ECE2: variants seen among roughly 807,000 people sequenced by gnomAD.
ECE2 encodes the protein endothelin converting enzyme 2, also known as endothelin-converting enzyme 2.
Under a neutral mutation model 100.6 loss-of-function variants are expected in ECE2, and 81 were observed. The observed-to-expected ratio is 0.81, with a 90% CI of 0.67 to 0.97. ECE2 has a LOEUF of 0.97. Ranked by LOEUF, ECE2 falls within the 50% of genes least tolerant of loss-of-function variation. The pLI is 0.00. For missense variants in ECE2, 911 were observed against 988.1 expected, an observed-to-expected ratio of 0.92 and a Z score of 1.05; for synonymous variants, 391 against 391.5, an observed-to-expected ratio of 1.00 and a Z score of 0.02.
At position 184,276,048 on chromosome 3, in the gene ECE2, G is replaced by T. The variant is rs1426832817; in HGVS notation, c.-106G>T. 6.1e-6 allele frequency: 7 copies of T among 1,156,738 alleles called. No homozygotes were observed. Among genetic ancestry groups the T allele is most frequent in the Admixed American group, 4.7e-5 (1 of 21,280 alleles). 71.7% of individuals were successfully genotyped at this position (1,156,738 alleles called of 1,614,324 possible). On this transcript the variant is annotated 5_prime_UTR_variant, in exon 1 of 19. Coordinates refer to ENST00000404464, the MANE Select transcript of ECE2 (RefSeq NM_001100121.2). ...CGGCCGAGCGGGGGTGCTGCGCGGC[G>T]GCCGTGATGGCTGGTGACGGCGGGG...
rs762268830 is a variant in ECE2 at position 184,291,070 on chromosome 3, G to A, written c.1865G>A (p.Arg622Gln). The change falls in exon 17 of 19, where the codon CGG becomes CAG. Residue 622 changes from arginine (R) to glutamine (Q), a missense_variant. Transcript: ENST00000404464. The surrounding 1 kb of genome is among the most constrained non-coding windows in gnomAD (Gnocchi z 4.1). ...GREYDKEGNL[R>Q]PWWQNESLAA... Reference sequence around the variant, plus strand: ...GAGTATGACAAAGAAGGGAACCTGCGGCCCTGGTGGCAGAATGAGTCCCTG... The same window carrying A: ...GAGTATGACAAAGAAGGGAACCTGCAGCCCTGGTGGCAGAATGAGTCCCTG... The A allele has an allele frequency of 2.9e-5, 46 of 1,581,514 alleles. No homozygotes were observed. The East Asian group carries it at 3.4e-4, about 12-fold the overall frequency.
rs758705027 is a variant in ECE2 at position 184,277,234 on chromosome 3, C to G, written c.263-17C>G. On this transcript the variant is annotated splice_polypyrimidine_tract_variant and intron_variant, in intron 3 of 18. Transcript: ENST00000404464. ...GACTGACAGTCTCCTACCCTCCGGC[C>G]ATGTTCCCTACCACAGACCCATCCC... is the stretch of plus-strand genomic sequence containing the variant. The G allele has an allele frequency of 1.2e-6, 2 of 1,613,986 alleles. No homozygotes were observed. The highest frequency in any genetic ancestry group is 4.5e-5 in the East Asian group (2 of 44,902).
intron 7 of ECE2, among the ~76,000 whole-genome samples, chr3:184,280,850 G>A (rs527996520): frequency 6.6e-6 from 1 of 152,118 alleles, no homozygotes; most frequent in South Asian, 2.1e-4. Flanking sequence ...GTGGTGGCGG[G>A]TGCCTGTAAT....
At chr3:184,288,031 C>A in intron 11 of ECE2, 84 bp downstream of exon 11, 3 of 1,323,464 alleles carry the variant, frequency 2.3e-6, no homozygotes, top group Non-Finnish European at 3.2e-6. Context: ...ACAACGGGAG[C>A]CAGGCGCGGT....
intron 7 of ECE2, among the ~76,000 whole-genome samples, chr3:184,283,249 T>C (rs1720879412): frequency 1.3e-5 from 2 of 151,964 alleles, no homozygotes; most frequent in Admixed American, 1.3e-4. Context: ...GAGAAATAGA[T>C]GATAAACAAG....
In ECE2 at chr3:184,292,393, T is replaced by C; in HGVS notation, c.*155T>C. 8.7e-6 allele frequency: 7 copies of C among 805,330 alleles called. No homozygotes were observed. Among genetic ancestry groups the C allele is most frequent in the Non-Finnish European group, 1.4e-5 (7 of 512,694 alleles). The allele number at this position is 805,330 out of a possible 1,614,324, so 49.9% of individuals were successfully genotyped here. A position where few individuals can be genotyped will look rare whatever the true frequency, so the allele number is the denominator to read the frequency against. The stretch of plus-strand genomic sequence containing the variant: ...TGACATGAGTACAGACCCTCCTCAA[T>C]CACCACATTGTGCCTCTGCTTTGGG... On this transcript the variant is annotated 3_prime_UTR_variant, in exon 19 of 19. Coordinates refer to ENST00000404464, the MANE Select transcript of ECE2 (RefSeq NM_001100121.2).
At chr3:184,277,872 C>A in intron 4 of ECE2, 53 bp from the exon 5 acceptor site, 1 of 1,598,020 alleles carries the variant, frequency 6.3e-7, no homozygotes, top group Non-Finnish European at 8.5e-7. Context: ...GCCAGGGACT[C>A]CCCCTCAGCA....
Position 184,278,273 on chromosome 3 carries a change from T to C in ECE2, c.710T>C (p.Ile237Thr). The C allele has an allele frequency of 6.2e-7, 1 of 1,614,170 alleles. No individual in the cohort carries two copies. Among genetic ancestry groups the C allele is most frequent in the Non-Finnish European group, 8.5e-7 (1 of 1,180,026 alleles). Reference sequence around the variant, plus strand: ...GCCACCCCATTCTTCACCGTCTACATCAGTGCCGACTCTAAGAGTTCCAAC... The same window carrying C: ...GCCACCCCATTCTTCACCGTCTACACCAGTGCCGACTCTAAGAGTTCCAAC... ...YRATPFFTVY[I>T]SADSKSSNSN... is the part of the protein sequence containing the mutation. The change falls in exon 6 of 19, where the codon ATC (isoleucine) becomes ACC (threonine). Residue 237 changes from isoleucine to threonine, a missense_variant. Physicochemically the swap from Ile to Thr is moderately conservative, Grantham distance 89. Transcript: ENST00000404464.
rs1441507090 is a variant in ECE2 at position 184,284,847 on chromosome 3, A to G, written c.1006-116A>G. ...TATATTACAGGAAGGATACACCATGAAGCCAGTAGTTGTTGCTATGGCAAT... is the reference window on the plus strand; with the variant it reads ...TATATTACAGGAAGGATACACCATGGAGCCAGTAGTTGTTGCTATGGCAAT... On this transcript the variant is annotated intron_variant, in intron 8 of 18. Transcript: ENST00000404464. The G allele has an allele frequency of 2.2e-6, 3 of 1,364,052 alleles. No homozygotes were observed. The African/African-American group carries it at 4.4e-5, about 20-fold the overall frequency. The allele number at this position is 1,364,052 out of a possible 1,614,324, so 84.5% of individuals were successfully genotyped here. A position where few individuals can be genotyped will look rare whatever the true frequency, so the allele number is the denominator to read the frequency against.
At chr3:184,287,275 C>CAA (rs1371919169) in intron 10 of ECE2, among the ~76,000 whole-genome samples, 15 of 99,666 alleles carry the variant, frequency 1.5e-4, no homozygotes, top group African/African-American at 4.5e-4. Flanking sequence ...GACTCCATCT[C>CAA]AAAAAAAAAA....
At chr3:184,276,416 G>C in intron 1 of ECE2, 65 bp from the exon 2 acceptor site, 1 of 1,553,734 alleles carries the variant, frequency 6.4e-7, no homozygotes, top group Non-Finnish European at 8.7e-7. Flanking sequence ...GGAGCACTGG[G>C]GCAGGGTCGT....
At chr3:184,276,378 TA>T in intron 1 of ECE2, 102 bp from the exon 2 acceptor site, 1 of 1,459,618 alleles carries the variant, frequency 6.9e-7, no homozygotes, top group Non-Finnish European at 9.3e-7. Flanking sequence ...AGGGCCCTCT[TA>T]GCAGGGCGGA....
In ECE2 at chr3:184,289,593, T is replaced by A; in HGVS notation, c.1474-48T>A. 6.2e-7 allele frequency: 1 copy of A among 1,613,606 alleles called. No homozygotes were observed. The highest frequency in any genetic ancestry group is 8.5e-7 in the Non-Finnish European group (1 of 1,179,538). On this transcript the variant is annotated intron_variant, in intron 12 of 18. Transcript: ENST00000404464. The surrounding 1 kb of genome is among the most constrained non-coding windows in gnomAD (Gnocchi z 4.1). ...GAGGTGGGGTTCAAGGATACAGTTT[T>A]GCTAGGAACCTGGGGAAGGAAACAA...
At chr3:184,278,779 A>C in intron 7 of ECE2, 1 of 579,558 alleles carries the variant, frequency 1.7e-6, no homozygotes, top group Admixed American at 3.2e-5. Context: ...GGTTTCATAG[A>C]CACCTACTGT....
intron 7 of ECE2, among the ~76,000 whole-genome samples, chr3:184,281,596 A>C (rs1168603456): frequency 6.6e-6 from 1 of 152,232 alleles, no homozygotes; most frequent in Non-Finnish European, 1.5e-5. Context: ...CTCAAAAGTG[A>C]TGTGAACAGA....
chr3:184,283,726 G>C, intron 7 of ECE2, 59 bp from the exon 8 acceptor site: 1 of 1,563,774 alleles, frequency 6.4e-7, no homozygotes, highest in Non-Finnish European at 8.7e-7. Flanking sequence ...GGTAAGAACA[G>C]ATCTCAGCCT....
chr3:184,278,351 C>A (rs1026463238), intron 6 of ECE2, 38 bp downstream of exon 6: 1 of 1,605,782 alleles, frequency 6.2e-7, no homozygotes, highest in African/African-American at 1.3e-5. Flanking sequence ...GACTTAGGGA[C>A]ACTTTGCTGA....
chr3:184,276,302 C>T (rs1160374104), intron 1 of ECE2, 110 bp downstream of exon 1: 12 of 1,394,520 alleles, frequency 8.6e-6, no homozygotes, highest in African/African-American at 2.9e-5. Context: ...GTAAGGCTGC[C>T]TCCCGGGCCT....
chr3:184,291,264 G>T lies in ECE2; in HGVS notation c.2025+34G>T, dbSNP rs1317870924. On this transcript the variant is annotated intron_variant, in intron 17 of 18. Transcript: ENST00000404464. The surrounding 1 kb of genome is among the most constrained non-coding windows in gnomAD (Gnocchi z 4.1). ...CCTGACCAGCCCTCCAGCGGCTGAG[G>T]CCTGCTGGCCTGGGGTGAAAGGTGC... 1 of 1,598,758 alleles carries T rather than the reference G, an allele frequency of 6.3e-7. No individual in the cohort carries two copies. The highest frequency in any genetic ancestry group is 8.5e-7 in the Non-Finnish European group (1 of 1,171,058).
Sources: gnomAD v4.1 joint callset for allele counts (sites outside exome capture counted in the v4.1 genomes callset) on GRCh38, gnomAD v4.1.1 for gene constraint, Gnocchi (gnomAD v3.1) non-coding constraint, MANE v1.5 for transcripts, NCBI Gene and HGNC (gene_info 2026-07-23, HGNC 2026-07-21) for gene names.